F13A1: variants seen among roughly 807,000 people sequenced by gnomAD.
F13A1 encodes FSF, A subunit.
In F13A1, 47 loss-of-function variants were observed where a neutral mutation model predicts 80.1. That is an observed-to-expected ratio of 0.59 (90% CI 0.46 to 0.75). F13A1 has a LOEUF of 0.75. F13A1 is among the 30% of genes least tolerant of loss of function. The pLI, the probability that F13A1 is intolerant of heterozygous loss-of-function variation, is 0.00. For missense variants in F13A1, 817 were observed against 930.4 expected (o/e 0.88, Z 1.59); for synonymous variants, 349 against 344.9 (o/e 1.01, Z -0.13).
chr6:6,153,173 C>A (rs1298182658), intron 13 of F13A1, among the ~76,000 whole-genome samples: 3 of 152,176 alleles, frequency 2.0e-5, no homozygotes, highest in Non-Finnish European at 4.4e-5. Flanking sequence ...ATGTCTGGAT[C>A]TTCCAGATGA....
chr6:6,225,008 C>A, intron 6 of F13A1, 148 bp from the exon 7 acceptor site: 2 of 852,182 alleles, frequency 2.3e-6, no homozygotes, highest in Non-Finnish European at 3.7e-6. Flanking sequence ...TTTACCATTA[C>A]ATTGTTAGAA....
chr6:6,158,338 C>A (rs144544368), intron 13 of F13A1, among the ~76,000 whole-genome samples: 132 of 152,234 alleles, frequency 8.7e-4, no homozygotes, highest in African/African-American at 3.1e-3. Context: ...TTAGACAAGT[C>A]GCTTGACTTC....
chr6:6,286,776 G>T (rs1051277934), intron 3 of F13A1, among the ~76,000 whole-genome samples: 13 of 152,174 alleles, frequency 8.5e-5, no homozygotes, highest in Admixed American at 7.9e-4. Flanking sequence ...GAAGAGAAAA[G>T]ATCAGAAAAG....
chr6:6,170,011 C>T (rs1018370934), intron 12 of F13A1, among the ~76,000 whole-genome samples: 1 of 152,124 alleles, frequency 6.6e-6, no homozygotes, highest in South Asian at 2.1e-4. Flanking sequence ...AAGCCTGGAC[C>T]CTGCTTCCTC....
Position 6,250,718 on chromosome 6 carries a change from C to G in F13A1, c.690+93G>C, listed in dbSNP as rs1757619072. The G allele has an allele frequency of 4.7e-6, 4 of 860,146 alleles. No individual in the cohort carries two copies. The allele number at this position is 860,146 out of a possible 1,614,324, so 53.3% of individuals were successfully genotyped here. A position where few individuals can be genotyped will look rare whatever the true frequency, so the allele number is the denominator to read the frequency against. ...CTAAAAAGCAGGAAATTGTGCTTGT[C>G]TAATATCGATATATGGGATCCTGTA... On this transcript the variant is annotated intron_variant, in intron 5 of 14. Transcript: ENST00000264870. The surrounding 1 kb of genome is among the most constrained non-coding windows in gnomAD (Gnocchi z 4.2).
chr6:6,186,724 T>C (rs915196125), intron 10 of F13A1, among the ~76,000 whole-genome samples: 3 of 152,162 alleles, frequency 2.0e-5, no homozygotes, highest in African/African-American at 7.2e-5. Context: ...TTTGCTTCCA[T>C]ATGAACTTTA....
intron 11 of F13A1, among the ~76,000 whole-genome samples, chr6:6,181,483 G>A (rs1299967867): frequency 1.3e-5 from 2 of 152,170 alleles, no homozygotes; most frequent in African/African-American, 2.4e-5. Context: ...ACTGGCCTTC[G>A]ACCTAATTGT....
chr6:6,252,380 C>T (rs1279186341), intron 4 of F13A1, among the ~76,000 whole-genome samples: 1 of 152,174 alleles, frequency 6.6e-6, no homozygotes, highest in East Asian at 1.9e-4. Context: ...CACAAACACA[C>T]ATAAACACAT....
intron 8 of F13A1, among the ~76,000 whole-genome samples, chr6:6,210,837 T>C (rs1157242138): frequency 1.3e-5 from 2 of 152,184 alleles, no homozygotes; most frequent in Non-Finnish European, 2.9e-5. Context: ...CAAGTGATTC[T>C]CCTGCCTCAG....
At chr6:6,159,891 G>A (rs1760542348) in intron 13 of F13A1, among the ~76,000 whole-genome samples, 1 of 152,108 alleles carries the variant, frequency 6.6e-6, no homozygotes. Context: ...GGTTAAAACA[G>A]AGCAACTGCA....
intron 13 of F13A1, among the ~76,000 whole-genome samples, chr6:6,158,759 T>A (rs560616729): frequency 7.9e-5 from 9 of 113,382 alleles, no homozygotes; most frequent in African/African-American, 2.9e-4. Flanking sequence ...ACACATAGTC[T>A]GTTCCCATTT....
At chr6:6,318,817 A>G in intron 1 of F13A1, 135 bp from the exon 2 acceptor site, 2 of 908,752 alleles carry the variant, frequency 2.2e-6, no homozygotes, top group Non-Finnish European at 3.4e-6. Context: ...TGCCGTTTGC[A>G]TAAATAAAAA....
intron 6 of F13A1, among the ~76,000 whole-genome samples, chr6:6,225,918 G>A (rs1757270426): frequency 6.6e-6 from 1 of 152,192 alleles, no homozygotes. Flanking sequence ...TAAAGAACCT[G>A]GGATGTTATG....
intron 3 of F13A1, among the ~76,000 whole-genome samples, chr6:6,278,902 T>C (rs187188561): frequency 6.6e-6 from 1 of 152,306 alleles, no homozygotes; most frequent in East Asian, 1.9e-4. Flanking sequence ...ACTTTGGTTG[T>C]TCTGTGAAGA....
chr6:6,175,442 C>T (rs366889), intron 11 of F13A1, among the ~76,000 whole-genome samples: 63,972 of 151,968 alleles, frequency 0.42, 14,198 homozygotes, highest in African/African-American at 0.56. Flanking sequence ...ATTGCCATTG[C>T]CCCCAACACC....
intron 12 of F13A1, among the ~76,000 whole-genome samples, chr6:6,173,935 G>A (rs1046353744): frequency 5.3e-5 from 8 of 152,142 alleles, no homozygotes; most frequent in African/African-American, 1.9e-4. Flanking sequence ...TGGGACATGA[G>A]ATTCTACATT....
At chr6:6,172,407 G>C (rs1760791969) in intron 12 of F13A1, among the ~76,000 whole-genome samples, 1 of 151,594 alleles carries the variant, frequency 6.6e-6, no homozygotes, top group African/African-American at 2.4e-5. Context: ...CCTAGGAATA[G>C]GAAAAGTGCC....
intron 3 of F13A1, among the ~76,000 whole-genome samples, chr6:6,271,674 T>C (rs1212985056): frequency 2.6e-5 from 4 of 152,242 alleles, no homozygotes; most frequent in East Asian, 1.9e-4. Flanking sequence ...TAATTACCAA[T>C]TGCATTTTTT....
chr6:6,169,744 A>G (rs949922147), intron 12 of F13A1, among the ~76,000 whole-genome samples: 1 of 152,216 alleles, frequency 6.6e-6, no homozygotes, highest in African/African-American at 2.4e-5. Context: ...AATGCACAGG[A>G]TAGTCCCACA....
Sources: allele counts gnomAD v4.1 joint callset (sites outside exome capture counted in the v4.1 genomes callset), GRCh38; gene constraint gnomAD v4.1.1; non-coding constraint Gnocchi (gnomAD v3.1); transcripts MANE v1.5; gene names NCBI Gene and HGNC (gene_info 2026-07-23, HGNC 2026-07-21).